The following ERC1 variants were observed in gnomAD, a reference collection of about 807,000 sequenced individuals.
ERC1 encodes RAB6 interacting protein 2.
ERC1 carries 56 observed loss-of-function variants against 132.0 expected under a neutral mutation model. The ratio of observed to expected loss-of-function variants is 0.42; its 90% CI spans 0.34 to 0.53. The LOEUF is 0.53. Ranked by LOEUF, ERC1 falls within the 20% of genes least tolerant of loss-of-function variation. The pLI is 0.03. For missense variants in ERC1, 1,202 were observed against 1,349.9 expected (o/e 0.89, Z 1.72); for synonymous variants, 478 against 476.1 (o/e 1.00, Z -0.05).
At chr12:1,076,650 C>T (rs1051819011) in intron 2 of ERC1, among the ~76,000 whole-genome samples, 1 of 151,994 alleles carries the variant, frequency 6.6e-6, no homozygotes, top group African/African-American at 2.4e-5. Context: ...GCCTTGGCTT[C>T]CCAAAGTGCT....
rs114325815 is a variant in ERC1 at position 1,201,225 on chromosome 12, G to C, written c.2351+11173G>C. Among the ~76,000 whole-genome samples the C allele has an allele frequency of 1.4e-3, 207 of 152,074 alleles. 1 individual carries two copies. The highest frequency in any genetic ancestry group is 4.6e-3 in the African/African-American group (190 of 41,480). ...TTGTATTTTAACATCTCTGAAATTG[G>C]GATACACGTACAAGTAAATGGCATG... On this transcript the variant is annotated intron_variant, in intron 12 of 18. Transcript: ENST00000360905.
intron 18 of ERC1, among the ~76,000 whole-genome samples, chr12:1,445,979 T>C (rs1396174842): frequency 6.6e-6 from 1 of 152,152 alleles, no homozygotes; most frequent in East Asian, 1.9e-4. Context: ...TGGTTTCTGG[T>C]TCCTTGTGTC....
intron 17 of ERC1, among the ~76,000 whole-genome samples, chr12:1,426,972 A>G (rs974687222): frequency 2.6e-5 from 4 of 151,994 alleles, no homozygotes; most frequent in Non-Finnish European, 5.9e-5. Context: ...TAGAACATAT[A>G]TGTCTGGAGA....
intron 8 of ERC1, among the ~76,000 whole-genome samples, chr12:1,143,061 G>C (rs984111129): frequency 1.3e-5 from 2 of 152,026 alleles, no homozygotes; most frequent in Non-Finnish European, 2.9e-5. Context: ...CCCACATCTG[G>C]TTAATTTTTT....
In ERC1 at chr12:1,070,346, G is replaced by T. The variant is rs112241716; in HGVS notation, c.670-12818G>T. 9.5e-3 allele frequency among the ~76,000 whole-genome samples: 1,443 copies of T among 151,820 alleles called. 8 individuals carry two copies. Among genetic ancestry groups the T allele is most frequent in the Non-Finnish European group, 0.017 (1,122 of 67,890 alleles). ...GGCAGGGTCTCACTCTGCCGCCCAGGCTGGAGTATAGTGGCATGATCATGG... is the reference window on the plus strand; with the variant it reads ...GGCAGGGTCTCACTCTGCCGCCCAGTCTGGAGTATAGTGGCATGATCATGG... On this transcript the variant is annotated intron_variant, in intron 2 of 18. Coordinates refer to ENST00000360905, the MANE Select transcript of ERC1 (RefSeq NM_178040.4).
At chr12:1,262,806 T>C (rs529308007) in intron 13 of ERC1, among the ~76,000 whole-genome samples, 2 of 152,358 alleles carry the variant, frequency 1.3e-5, no homozygotes, top group African/African-American at 4.8e-5. Flanking sequence ...TTCTCACATT[T>C]GTCTTGCTTA....
At chr12:1,293,359 G>A (rs61912041) in intron 15 of ERC1, among the ~76,000 whole-genome samples, 47,537 of 132,026 alleles carry the variant, frequency 0.36, 9,764 homozygotes, top group Middle Eastern at 0.47. Flanking sequence ...AGGCTGAGGC[G>A]GGAGAATAGC....
chr12:1,461,714 G>T (rs1413288513), intron 18 of ERC1, among the ~76,000 whole-genome samples: 56 of 152,046 alleles, frequency 3.7e-4, no homozygotes, highest in Admixed American at 3.7e-3. Flanking sequence ...TTGTAGCAAT[G>T]GGTGGTTGTT....
chr12:1,141,939 A>G (rs1566068915), intron 8 of ERC1, 152 bp downstream of exon 8: 2 of 554,958 alleles, frequency 3.6e-6, no homozygotes, highest in Non-Finnish European at 3.0e-6. Flanking sequence ...TGCGGTAGGT[A>G]GATTGTTAAG....
At chr12:1,453,781 C>A (rs1490112036) in intron 18 of ERC1, among the ~76,000 whole-genome samples, 7 of 152,008 alleles carry the variant, frequency 4.6e-5, no homozygotes, top group African/African-American at 1.7e-4. Flanking sequence ...TACCTTTATA[C>A]CCAGAATTAA....
chr12:1,387,153 A>C (rs1476316239), intron 16 of ERC1, among the ~76,000 whole-genome samples: 1 of 151,978 alleles, frequency 6.6e-6, no homozygotes, highest in Non-Finnish European at 1.5e-5. Context: ...GCATATTGAC[A>C]GATGGAGAAG....
At chr12:1,271,825 AT>A (rs2077879095) in intron 14 of ERC1, among the ~76,000 whole-genome samples, 1 of 152,164 alleles carries the variant, frequency 6.6e-6, no homozygotes, top group Non-Finnish European at 1.5e-5. Flanking sequence ...CAATCTTTTG[AT>A]TCTCACCTTC....
intron 15 of ERC1, among the ~76,000 whole-genome samples, chr12:1,344,201 A>G (rs898673400): frequency 2.0e-5 from 3 of 152,162 alleles, no homozygotes; most frequent in Non-Finnish European, 4.4e-5. Flanking sequence ...CAATACTTTT[A>G]TGGGACTCAA....
At chr12:1,408,018 A>G (rs2091617048) in intron 16 of ERC1, 131 bp from the exon 17 acceptor site, 2 of 630,662 alleles carry the variant, frequency 3.2e-6, no homozygotes, top group South Asian at 2.1e-5. Flanking sequence ...CAGAAATCCC[A>G]TATTTAGTTT....
rs1359762790 is a variant in ERC1 at position 1,257,101 on chromosome 12, A to G, written c.2488-5933A>G. ...GGCTTCTGAAGCTACATCACAAAAG[A>G]TACTGATGCAACTGCCTTGCACTCC... On this transcript the variant is annotated intron_variant, in intron 13 of 18. Transcript: ENST00000360905. 2 of 142,658 alleles carry G rather than the reference A, an allele frequency of 1.4e-5. 1 individual carries two copies. Among genetic ancestry groups the G allele is most frequent in the African/African-American group, 5.4e-5 (2 of 36,776 alleles). 8.8% of individuals were successfully genotyped at this position (142,658 alleles called of 1,614,324 possible).
At chr12:1,178,417 A>C (rs983340389) in intron 8 of ERC1, among the ~76,000 whole-genome samples, 2 of 152,208 alleles carry the variant, frequency 1.3e-5, no homozygotes, top group Non-Finnish European at 2.9e-5. Context: ...GGCAGGATCC[A>C]TGTCTACTTG....
chr12:1,332,728 C>A (rs758295736), intron 15 of ERC1, among the ~76,000 whole-genome samples: 3 of 152,166 alleles, frequency 2.0e-5, no homozygotes, highest in Non-Finnish European at 4.4e-5. Flanking sequence ...AGTCCTGGAT[C>A]ATTTCAGTAG....
intron 2 of ERC1, among the ~76,000 whole-genome samples, chr12:1,059,561 TC>T (rs1439743578): frequency 6.6e-6 from 1 of 152,216 alleles, no homozygotes; most frequent in African/African-American, 2.4e-5. Flanking sequence ...TTGAATTTTA[TC>T]CAATGTTTTT....
intron 8 of ERC1, among the ~76,000 whole-genome samples, chr12:1,172,648 GA>G (rs1193561610): frequency 1.3e-5 from 2 of 151,842 alleles, no homozygotes; most frequent in African/African-American, 4.8e-5. Flanking sequence ...TGCTTGTACA[GA>G]AATTGAATAT....
Sources: allele counts gnomAD v4.1 joint callset (sites outside exome capture counted in the v4.1 genomes callset), GRCh38; gene constraint gnomAD v4.1.1; transcripts MANE v1.5; gene names NCBI Gene and HGNC (gene_info 2026-07-23, HGNC 2026-07-21).